The following CYTL1 variants were observed in gnomAD, a reference collection of about 807,000 sequenced individuals.
CYTL1 encodes the protein cytokine-like protein 1.
CYTL1 carries 17 observed loss-of-function variants against 13.1 expected under a neutral mutation model. That is an observed-to-expected ratio of 1.29 (90% CI 0.89 to 1.94). The LOEUF (loss-of-function observed/expected upper bound fraction) is 1.94. CYTL1 is among the 30% of genes most tolerant of loss of function. The pLI, the probability that CYTL1 is intolerant of heterozygous loss-of-function variation, is 0.00. For synonymous variants in CYTL1, 91 were observed against 79.4 expected, an observed-to-expected ratio of 1.15 and a Z score of -0.78; for missense variants, 213 against 174.8, an observed-to-expected ratio of 1.22 and a Z score of -1.23.
chr4:5,014,796 C>T lies in CYTL1; in HGVS notation c.*355G>A, dbSNP rs189279602. On this transcript the variant is annotated 3_prime_UTR_variant, in exon 4 of 4. Transcript: ENST00000307746. ...TCAAGAAAGAATAAAAGTACCATTA[C>T]TCCATTAAACCAGTAATAAAAACAT... 1 of 223,304 alleles carries T rather than the reference C, an allele frequency of 4.5e-6. No homozygotes were observed. Among genetic ancestry groups the T allele is most frequent in the East Asian group, 1.5e-4 (1 of 6,806 alleles). 13.8% of individuals were successfully genotyped at this position (223,304 alleles called of 1,614,324 possible).
intron 3 of CYTL1, 147 bp from the exon 4 acceptor site, chr4:5,015,381 G>T: frequency 4.9e-6 from 3 of 606,430 alleles, no homozygotes; most frequent in South Asian, 2.1e-5. Flanking sequence ...CCCCAAAAAG[G>T]GCTAGTCACT....
rs533300358 is a variant in CYTL1, at chr4:5,016,877, C to A, written c.286G>T (p.Ala96Ser). 6.2e-7 allele frequency: 1 copy of A among 1,614,202 alleles called. No homozygotes were observed. Among genetic ancestry groups the A allele is most frequent in the East Asian group, 2.2e-5 (1 of 44,882 alleles). ...VAQVDSLKDK[A>S]RKLYTIMNSF... ...TTCATGATGGTGTACAGCTTCCGTG[C>A]TTTGTCCTTCAAGGAATCTACCTGG... Residue 96 changes from alanine (A) to serine (S), a missense_variant, in exon 3 of 4, where the codon GCA becomes TCA. Ala to Ser is a moderately conservative substitution (Grantham distance 99, BLOSUM62 1). Coordinates refer to ENST00000307746, the MANE Select transcript of CYTL1 (RefSeq NM_018659.3).
chr4:5,016,711 G>A (rs775596651), intron 3 of CYTL1, 125 bp downstream of exon 3: 2 of 1,215,900 alleles, frequency 1.6e-6, no homozygotes, highest in Middle Eastern at 2.0e-4. Flanking sequence ...TGAACTGAAA[G>A]CATCTGCGAA....
intron 1 of CYTL1, among the ~76,000 whole-genome samples, chr4:5,017,821 C>T (rs951169378): frequency 6.6e-6 from 1 of 152,036 alleles, no homozygotes; most frequent in Admixed American, 6.6e-5. Context: ...AATTTGCATA[C>T]TTTTATATTT....
intron 1 of CYTL1, among the ~76,000 whole-genome samples, chr4:5,018,783 C>T (rs1210197365): frequency 2.0e-5 from 3 of 152,168 alleles, no homozygotes; most frequent in Non-Finnish European, 4.4e-5. Context: ...CTACTGTCAT[C>T]CCATTTTACA....
chr4:5,018,658 G>A lies in CYTL1; in HGVS notation c.153+635C>T, dbSNP rs928345599. 9.2e-5 allele frequency among the ~76,000 whole-genome samples: 14 copies of A among 152,184 alleles called. No homozygotes were observed. The South Asian group carries it at 1.0e-3, about 11-fold the overall frequency. On this transcript the variant is annotated intron_variant, in intron 1 of 3. Transcript: ENST00000307746. The stretch of plus-strand genomic sequence containing the variant: ...GTCCCCAGATCTGCCTCTGAAGATC[G>A]TGCTCACATCAGCTGGCATCTGTTG...
Position 5,015,046 on chromosome 4 carries a change from A to G in CYTL1, c.*105T>C. Reference sequence around the variant, plus strand: ...GTAGAGAGATACATAACAGTTTCAGATACAACTAACACAAGACCTGTGAGG... The same window carrying G: ...GTAGAGAGATACATAACAGTTTCAGGTACAACTAACACAAGACCTGTGAGG... On this transcript the variant is annotated 3_prime_UTR_variant, in exon 4 of 4. Coordinates refer to ENST00000307746, the MANE Select transcript of CYTL1 (RefSeq NM_018659.3). The G allele has an allele frequency of 3.2e-6, 3 of 936,020 alleles. No homozygotes were observed. The highest frequency in any genetic ancestry group is 5.2e-6 in the Non-Finnish European group (3 of 582,150). The allele number at this position is 936,020 out of a possible 1,614,324, so 58.0% of individuals were successfully genotyped here.
chr4:5,019,017 T>C (rs1272842847), intron 1 of CYTL1, among the ~76,000 whole-genome samples: 1 of 148,362 alleles, frequency 6.7e-6, no homozygotes, highest in Non-Finnish European at 1.5e-5. Flanking sequence ...TTTTTTTTTT[T>C]TTTTTTTTTT....
In CYTL1 at chr4:5,015,086, C is replaced by T; in HGVS notation, c.*65G>A. ...GACCTGTGAGGGTCATGGCTCTGGC[C>T]CATTAAGTCTGGGTAGCTGACATAA... On this transcript the variant is annotated 3_prime_UTR_variant, in exon 4 of 4. Coordinates refer to ENST00000307746, the MANE Select transcript of CYTL1 (RefSeq NM_018659.3). The T allele has an allele frequency of 7.7e-7, 1 of 1,299,934 alleles. No individual in the cohort carries two copies. Among genetic ancestry groups the T allele is most frequent in the Admixed American group, 1.7e-5 (1 of 58,684 alleles). The allele number at this position is 1,299,934 out of a possible 1,614,324, so 80.5% of individuals were successfully genotyped here.
In CYTL1 at chr4:5,015,243, G is replaced by C; in HGVS notation, c.328-9C>G. 6.2e-7 allele frequency: 1 copy of C among 1,608,806 alleles called. No individual in the cohort carries two copies. The highest frequency in any genetic ancestry group is 8.5e-7 in the Non-Finnish European group (1 of 1,176,510). On this transcript the variant is annotated splice_polypyrimidine_tract_variant and intron_variant, in intron 3 of 3. Transcript: ENST00000307746. ...AACAGGAATACCAAATCCTGAAAAA[G>C]ATGTGCAATGAGCAGGAAAGTTACT...
intron 1 of CYTL1, among the ~76,000 whole-genome samples, chr4:5,017,641 CTT>C (rs763096484): frequency 1.1e-3 from 164 of 149,766 alleles, no homozygotes; most frequent in Middle Eastern, 3.6e-3. Context: ...TATATAATAA[CTT>C]ATATAAGTAT....
Position 5,016,957 on chromosome 4 carries a change from C to T in CYTL1, c.206G>A (p.Cys69Tyr). The change falls in exon 3 of 4, where the codon TGT becomes TAT. Residue 69 changes from cysteine (C) to tyrosine (Y), a missense_variant. Transcript: ENST00000307746. ...AAAGTCCCGCAGCTTGTCCAGCACA[C>T]AGTAATTCTGGGAGTGGGCAATGGG... ...PRLYLDIHNY[C>Y]VLDKLRDFVA... 1 of 1,614,168 alleles carries T rather than the reference C, an allele frequency of 6.2e-7. No individual in the cohort carries two copies. Among genetic ancestry groups the T allele is most frequent in the Non-Finnish European group, 8.5e-7 (1 of 1,180,040 alleles).
At position 5,019,280 on chromosome 4, in the gene CYTL1, G is replaced by A. The variant is rs374977383; in HGVS notation, c.153+13C>T. 38 of 1,474,964 alleles carry A rather than the reference G, an allele frequency of 2.6e-5. No homozygotes were observed. Among genetic ancestry groups the A allele is most frequent in the Non-Finnish European group, 3.2e-5 (36 of 1,115,918 alleles). 91.4% of individuals were successfully genotyped at this position (1,474,964 alleles called of 1,614,324 possible). On this transcript the variant is annotated intron_variant, in intron 1 of 3. Transcript: ENST00000307746. ...TGCCATGCACCCCTGTCCTGAGCGG[G>A]CGGGGGACTCACCGAGGGCTCCGAG...
intron 3 of CYTL1, among the ~76,000 whole-genome samples, chr4:5,015,715 T>C (rs1741058306): frequency 6.6e-6 from 1 of 152,162 alleles, no homozygotes; most frequent in Non-Finnish European, 1.5e-5. Context: ...ACATCTTTCA[T>C]ACAGGATCAA....
At chr4:5,017,259 C>T (rs535517166) in intron 1 of CYTL1, 80 bp from the exon 2 acceptor site, 2 of 1,364,248 alleles carry the variant, frequency 1.5e-6, no homozygotes, top group South Asian at 1.3e-5. Context: ...GCCCTCTCAA[C>T]AGCCAGACCA....
chr4:5,016,905 C>G lies in CYTL1; in HGVS notation c.258G>C (p.Val86=), dbSNP rs1217365491. ...DFVASPPCWK[V]AQVDSLKDKA... ...TGTCCTTCAAGGAATCTACCTGGGC[C>G]ACTTTCCAACACGGGGGCGAGGCCA... The change falls in exon 3 of 4, where the codon GTG becomes GTC. Residue 86 remains valine, a synonymous_variant. Transcript: ENST00000307746. 1 of 1,614,226 alleles carries G rather than the reference C, an allele frequency of 6.2e-7. No homozygotes were observed. Among genetic ancestry groups the G allele is most frequent in the Non-Finnish European group, 8.5e-7 (1 of 1,180,042 alleles).
intron 3 of CYTL1, among the ~76,000 whole-genome samples, 189 bp from the exon 4 acceptor site, chr4:5,015,423 C>CA (rs34659865): frequency 2.6e-5 from 4 of 151,848 alleles, no homozygotes; most frequent in African/African-American, 9.7e-5. Context: ...AATTTCATTT[C>CA]CATAATTTTC....
chr4:5,015,414 A>ATTTCGT (rs536890166), intron 3 of CYTL1, among the ~76,000 whole-genome samples, 180 bp from the exon 4 acceptor site: 4 of 27,892 alleles, frequency 1.4e-4, no homozygotes, highest in African/African-American at 2.4e-4. Flanking sequence ...TTCCAATAAA[A>ATTTCGT]TTTCATTTCC....
In CYTL1 at chr4:5,019,457, C is replaced by G; in HGVS notation, c.-12G>C. On this transcript the variant is annotated 5_prime_UTR_variant, in exon 1 of 4. Coordinates refer to ENST00000307746, the MANE Select transcript of CYTL1 (RefSeq NM_018659.3). ...CCAGGCGTCCTCATGGTGCCAGGCGCTGGTGCAGCCTCGCCGACCGCCCCT... is the reference window on the plus strand; with the variant it reads ...CCAGGCGTCCTCATGGTGCCAGGCGGTGGTGCAGCCTCGCCGACCGCCCCT... 2 of 1,448,988 alleles carry G rather than the reference C, an allele frequency of 1.4e-6. No individual in the cohort carries two copies. The highest frequency in any genetic ancestry group is 1.8e-6 in the Non-Finnish European group (2 of 1,110,012). The allele number at this position is 1,448,988 out of a possible 1,614,324, so 89.8% of individuals were successfully genotyped here.
Sources: allele counts gnomAD v4.1 joint callset (sites outside exome capture counted in the v4.1 genomes callset), GRCh38; gene constraint gnomAD v4.1.1; transcripts MANE v1.5; gene names NCBI Gene and HGNC (gene_info 2026-07-23, HGNC 2026-07-21).